LAPTM4A: variants seen among roughly 807,000 people sequenced by gnomAD.
LAPTM4A encodes the protein lysosomal protein transmembrane 4 alpha.
In LAPTM4A, 19 loss-of-function variants were observed where a neutral mutation model predicts 29.9. The observed-to-expected ratio is 0.64, with a 90% CI of 0.44 to 0.93. The LOEUF (loss-of-function observed/expected upper bound fraction) is 0.93, where lower values mean the gene tolerates loss of function less well. Ranked by LOEUF, LAPTM4A falls within the 40% of genes least tolerant of loss-of-function variation. The pLI is 0.00. For missense variants in LAPTM4A, 293 were observed against 288.5 expected, an observed-to-expected ratio of 1.02 and a Z score of -0.11; for synonymous variants, 105 against 102.1, an observed-to-expected ratio of 1.03 and a Z score of -0.17.
chr2:20,044,924 T>G (rs1673879389), intron 1 of LAPTM4A, among the ~76,000 whole-genome samples: 1 of 152,216 alleles, frequency 6.6e-6, no homozygotes. Context: ...AAATTTTTTT[T>G]GTAGAGATGG....
intron 1 of LAPTM4A, among the ~76,000 whole-genome samples, chr2:20,045,470 A>G (rs1673898003): frequency 6.6e-6 from 1 of 151,994 alleles, no homozygotes; most frequent in African/African-American, 2.4e-5. Flanking sequence ...CTCTTTAAAA[A>G]AAAAAAAAAA....
intron 1 of LAPTM4A, among the ~76,000 whole-genome samples, chr2:20,048,106 CAT>C (rs1430368146): frequency 6.6e-6 from 1 of 152,130 alleles, no homozygotes; most frequent in East Asian, 1.9e-4. Flanking sequence ...AAAAATTAGC[CAT>C]ATATTAAGTC....
intron 1 of LAPTM4A, among the ~76,000 whole-genome samples, chr2:20,042,475 A>G (rs1264671819): frequency 6.6e-6 from 1 of 152,210 alleles, no homozygotes; most frequent in Non-Finnish European, 1.5e-5. Flanking sequence ...CACACTACAG[A>G]TTTACTGTCT....
intron 1 of LAPTM4A, among the ~76,000 whole-genome samples, chr2:20,050,025 T>C (rs903247511): frequency 8.5e-5 from 13 of 152,198 alleles, no homozygotes; most frequent in Non-Finnish European, 1.9e-4. Context: ...TCAGTTAAAA[T>C]ACAGAACGAA....
chr2:20,040,810 G>A, intron 2 of LAPTM4A, 81 bp downstream of exon 2: 2 of 1,254,802 alleles, frequency 1.6e-6, no homozygotes, highest in Admixed American at 1.9e-5. Context: ...TTCTCAGAAT[G>A]TGTCCCCATC....
rs536556076 is a variant in LAPTM4A, at chr2:20,035,306, G to A, written c.433-244C>T. On this transcript the variant is annotated intron_variant, in intron 4 of 6. Transcript: ENST00000175091. Reference sequence around the variant, plus strand: ...GCTCCAAAAAGTCTAAATTTAGCTCGTTTTCTCTTTACTTTTCACTATTTT... The same window carrying A: ...GCTCCAAAAAGTCTAAATTTAGCTCATTTTCTCTTTACTTTTCACTATTTT... 290 of 442,956 alleles carry A rather than the reference G, an allele frequency of 6.5e-4. 1 individual carries two copies. The highest frequency in any genetic ancestry group is 1.0e-3 in the Non-Finnish European group (243 of 241,788). The allele number at this position is 442,956 out of a possible 1,614,324, so 27.4% of individuals were successfully genotyped here. A position where few individuals can be genotyped will look rare whatever the true frequency, so the allele number is the denominator to read the frequency against.
chr2:20,047,509 T>C (rs1285822276), intron 1 of LAPTM4A, among the ~76,000 whole-genome samples: 1 of 143,672 alleles, frequency 7.0e-6, no homozygotes, highest in Non-Finnish European at 1.5e-5. Flanking sequence ...GCTAACAAGG[T>C]GAAACCCCGT....
rs1449894465 is a variant in LAPTM4A at position 20,041,308 on chromosome 2, C to A, written c.112-297G>T. On this transcript the variant is annotated intron_variant, in intron 1 of 6. Coordinates refer to ENST00000175091, the MANE Select transcript of LAPTM4A (RefSeq NM_014713.5). The stretch of plus-strand genomic sequence containing the variant: ...CATTACAAATGGTTCATGTTCGAAG[C>A]TACCTATTTATTCATATACCAATCT... Among the ~76,000 whole-genome samples the A allele has an allele frequency of 2.0e-5, 3 of 152,148 alleles. No homozygotes were observed. The East Asian group carries it at 5.8e-4, about 29-fold the overall frequency.
chr2:20,045,616 G>A (rs73222131), intron 1 of LAPTM4A, among the ~76,000 whole-genome samples: 23,382 of 152,198 alleles, frequency 0.15, 1,974 homozygotes, highest in Admixed American at 0.19. Context: ...ATCAGGTGGT[G>A]TGCATTGTTT....
Position 20,040,872 on chromosome 2 carries a change from T to G in LAPTM4A, c.232+19A>C, listed in dbSNP as rs1439802783. On this transcript the variant is annotated intron_variant, in intron 2 of 6. Coordinates refer to ENST00000175091, the MANE Select transcript of LAPTM4A (RefSeq NM_014713.5). ...AAATTAGCAGGGGAGATTTTTTTGT[T>G]TTTCTATTAAACACATACCAGCCAT... The G allele has an allele frequency of 6.2e-7, 1 of 1,610,308 alleles. No individual in the cohort carries two copies. The highest frequency in any genetic ancestry group is 1.7e-5 in the Admixed American group (1 of 59,534).
chr2:20,047,164 C>T lies in LAPTM4A; in HGVS notation c.111+4246G>A, dbSNP rs1331224161. On this transcript the variant is annotated intron_variant, in intron 1 of 6. Coordinates refer to ENST00000175091, the MANE Select transcript of LAPTM4A (RefSeq NM_014713.5). ...CAGCACTTTGGGAGGCCAAGGCAGG[C>T]AGATCATGAGGTCAGGAGATCGAGA... 7.9e-4 allele frequency among the ~76,000 whole-genome samples: 113 copies of T among 143,754 alleles called. No individual in the cohort carries two copies. In the Middle Eastern group the frequency reaches 0.014, roughly 18 times the overall value. 94.3% of individuals were successfully genotyped at this position (143,754 alleles called of 152,430 possible).
intron 1 of LAPTM4A, among the ~76,000 whole-genome samples, chr2:20,049,070 C>G (rs752851705): frequency 6.6e-6 from 1 of 152,242 alleles, no homozygotes; most frequent in Non-Finnish European, 1.5e-5. Flanking sequence ...TTCTCCTCCT[C>G]CTCATCACTG....
In LAPTM4A at chr2:20,035,048, G is replaced by GT; in HGVS notation, c.446dup (p.Tyr149Ter). Residue 149 changes from tyrosine to a stop codon, truncating the protein, a stop_gained and frameshift_variant, in exon 5 of 7, where the codon TAC becomes TAAC. Transcript: ENST00000175091. LOFTEE classifies it high-confidence loss of function. ...EYLDQLPDFPYKDDLLALDSS... is the reference protein window; with the variant it reads ...EYLDQLPDFP ...AGTCCAAGGCCAGGAGGTCATCTTT[G>GT]TAGGGAAAATCAGGCTATTAAAGAA... 6.2e-7 allele frequency: 1 copy of GT among 1,611,420 alleles called. No homozygotes were observed. Among genetic ancestry groups the GT allele is most frequent in the South Asian group, 1.1e-5 (1 of 90,836 alleles).
At position 20,033,024 on chromosome 2, in the gene LAPTM4A, C is replaced by CA. The variant is rs954704501; in HGVS notation, c.*180dup. 1.7e-5 allele frequency: 10 copies of CA among 582,856 alleles called. No homozygotes were observed. Among genetic ancestry groups the CA allele is most frequent in the East Asian group, 5.6e-5 (2 of 35,988 alleles). The allele number at this position is 582,856 out of a possible 1,614,324, so 36.1% of individuals were successfully genotyped here. ...AACTATTAAAATGTAAAAGACTTAA[C>CA]AAAAAAACAAAAAGACGTTTAACAG... On this transcript the variant is annotated 3_prime_UTR_variant, in exon 7 of 7. Transcript: ENST00000175091.
At chr2:20,033,445 T>G (rs551681324) in intron 6 of LAPTM4A, among the ~76,000 whole-genome samples, 166 bp from the exon 7 acceptor site, 13 of 152,162 alleles carry the variant, frequency 8.5e-5, no homozygotes, top group Non-Finnish European at 1.3e-4. Flanking sequence ...CTCAATAACC[T>G]GGAATTTTAC....
intron 2 of LAPTM4A, among the ~76,000 whole-genome samples, chr2:20,039,526 G>A (rs1673748719): frequency 6.6e-6 from 1 of 152,120 alleles, no homozygotes; most frequent in South Asian, 2.1e-4. Context: ...GGCTGAAGTG[G>A]GAGGGTCCCT....
At position 20,035,203 on chromosome 2, in the gene LAPTM4A, A is replaced by G. The variant is rs1673655469; in HGVS notation, c.433-141T>C. ...AAATGTATAAGCAGAATTTAATTCA[A>G]AGTGCTTTTAAATTTTAAGCCTTAT... On this transcript the variant is annotated intron_variant, in intron 4 of 6. Coordinates refer to ENST00000175091, the MANE Select transcript of LAPTM4A (RefSeq NM_014713.5). 4.7e-6 allele frequency: 3 copies of G among 641,622 alleles called. No homozygotes were observed. In the South Asian group the frequency reaches 5.8e-5, roughly 12 times the overall value. 39.7% of individuals were successfully genotyped at this position (641,622 alleles called of 1,614,324 possible).
intron 6 of LAPTM4A, among the ~76,000 whole-genome samples, chr2:20,034,104 A>G (rs755530374): frequency 1.3e-5 from 2 of 152,156 alleles, no homozygotes; most frequent in Non-Finnish European, 2.9e-5. Context: ...AGTAAATCTA[A>G]CAGCCAAACT....
intron 1 of LAPTM4A, among the ~76,000 whole-genome samples, chr2:20,050,910 C>T (rs895693416): frequency 6.6e-6 from 1 of 152,220 alleles, no homozygotes; most frequent in Admixed American, 6.5e-5. Flanking sequence ...ACGCGGACAA[C>T]CGGGTTACCG....
Sources: allele counts gnomAD v4.1 joint callset (sites outside exome capture counted in the v4.1 genomes callset), GRCh38; gene constraint gnomAD v4.1.1; transcripts MANE v1.5; gene names NCBI Gene and HGNC (gene_info 2026-07-23, HGNC 2026-07-21).